Variants in COL4A5 observed in about 807,000 individuals in gnomAD.
COL4A5 encodes the protein collagen alpha-5(IV) chain.
COL4A5 carries 26 observed loss-of-function variants against 130.2 expected under a neutral mutation model. That is an observed-to-expected ratio of 0.20 (90% CI 0.15 to 0.28). The LOEUF (loss-of-function observed/expected upper bound fraction) is 0.28. COL4A5 is among the 10% of genes least tolerant of loss of function. The pLI, the probability that COL4A5 is intolerant of heterozygous loss-of-function variation, is 1.00. For synonymous variants in COL4A5, 496 were observed against 439.6 expected (o/e 1.13, Z -1.60); for missense variants, 1,131 against 1,344.3 (o/e 0.84, Z 2.48).
intron 1 of COL4A5, among the ~76,000 whole-genome samples, chrX:108,532,040 C>T (rs2065392361): frequency 9.0e-6 from 1 of 111,543 alleles, no homozygotes; most frequent in South Asian, 3.8e-4. Flanking sequence ...CCTCCTGAAA[C>T]TATTCCAGAA....
intron 28 of COL4A5, among the ~76,000 whole-genome samples, chrX:108,604,963 G>A (rs1424681842): frequency 1.8e-5 from 2 of 112,051 alleles, no homozygotes; most frequent in African/African-American, 6.5e-5. Context: ...ATTGAAGTTA[G>A]GGCCTTGCTC....
intron 24 of COL4A5, 22 bp from the exon 25 acceptor site, chrX:108,598,680 T>C: frequency 8.4e-7 from 1 of 1,194,909 alleles, no homozygotes; most frequent in Non-Finnish European, 1.1e-6. Flanking sequence ...TATGTTTCTG[T>C]ATTAAACTTT....
intron 52 of COL4A5, 99 bp downstream of exon 52, chrX:108,695,538 A>G: frequency 2.3e-6 from 2 of 888,865 alleles, no homozygotes; most frequent in East Asian, 6.3e-5. Context: ...AACAAATGTT[A>G]GGAATTTATT....
intron 33 of COL4A5, among the ~76,000 whole-genome samples, chrX:108,623,439 TA>T (rs369187460): frequency 4.9e-4 from 49 of 100,032 alleles, no homozygotes; most frequent in African/African-American, 1.3e-3. Flanking sequence ...GGGTTTTCAA[TA>T]AAAAAAAAAC....
Position 108,584,536 on chromosome X carries a change from T to C in COL4A5, c.1032+11T>C, listed in dbSNP as rs202140357. ...GGACCTCCTGGACTTGTAAGTTTTT[T>C]TTTTTTAGTCTTCGTTTATCAAATT... On this transcript the variant is annotated intron_variant, in intron 18 of 52. Coordinates refer to ENST00000328300, the MANE Select transcript of COL4A5 (RefSeq NM_033380.3). 1.7e-6 allele frequency: 2 copies of C among 1,199,274 alleles called. No homozygotes were observed. Among genetic ancestry groups the C allele is most frequent in the South Asian group, 3.6e-5 (2 of 54,977 alleles).
intron 36 of COL4A5, among the ~76,000 whole-genome samples, chrX:108,644,916 C>CA (rs1292417854): frequency 1.7e-4 from 9 of 51,437 alleles, no homozygotes; most frequent in Non-Finnish European, 1.9e-4. Flanking sequence ...ACAACAACAA[C>CA]AACAAAAAAA....
intron 1 of COL4A5, among the ~76,000 whole-genome samples, chrX:108,528,621 AG>A (rs1232553986): frequency 8.9e-6 from 1 of 112,557 alleles, no homozygotes; most frequent in East Asian, 2.8e-4. Context: ...AACAATACAA[AG>A]AAATCAAAAC....
chrX:108,642,355 C>T (rs985210360), intron 36 of COL4A5, among the ~76,000 whole-genome samples: 36 of 111,039 alleles, frequency 3.2e-4, no homozygotes, highest in Middle Eastern at 4.6e-3. Flanking sequence ...TAGGGCCCCA[C>T]CTACCACTGG....
intron 1 of COL4A5, among the ~76,000 whole-genome samples, chrX:108,495,234 G>C (rs1275150353): frequency 2.7e-5 from 3 of 110,472 alleles, no homozygotes; most frequent in African/African-American, 9.9e-5. Flanking sequence ...TGGATCATGG[G>C]TTTAAATATA....
intron 1 of COL4A5, among the ~76,000 whole-genome samples, chrX:108,515,572 G>GT (rs200118582): frequency 0.033 from 3,498 of 106,641 alleles, 56 homozygotes; most frequent in Non-Finnish European, 0.048. Context: ...TTAAAGGACA[G>GT]TTTTTTTTTT....
At chrX:108,652,383 A>G (rs1342722386) in intron 36 of COL4A5, among the ~76,000 whole-genome samples, 9 of 112,855 alleles carry the variant, frequency 8.0e-5, no homozygotes, top group Non-Finnish European at 1.7e-4. Context: ...AACATTAACA[A>G]TTATGTGGGA....
chrX:108,623,470 C>T (rs1314806979), intron 33 of COL4A5, among the ~76,000 whole-genome samples: 1 of 111,056 alleles, frequency 9.0e-6, no homozygotes, highest in African/African-American at 3.3e-5. Flanking sequence ...AGAAGTATAA[C>T]ATGTTCATAA....
Position 108,696,539 on chromosome X carries a change from G to A in COL4A5, c.*161G>A, listed in dbSNP as rs1292485778. The A allele has an allele frequency of 7.5e-6, 3 of 398,185 alleles. No homozygotes were observed. The highest frequency in any genetic ancestry group is 1.3e-5 in the Non-Finnish European group (3 of 228,591). 32.8% of individuals were successfully genotyped at this position (398,185 alleles called of 1,213,427 possible). A position where few individuals can be genotyped will look rare whatever the true frequency, so the allele number is the denominator to read the frequency against. On this transcript the variant is annotated 3_prime_UTR_variant, in exon 53 of 53. Transcript: ENST00000328300. The stretch of plus-strand genomic sequence containing the variant: ...GCTGACTAGTAACCATGAAGATTCA[G>A]ATGTACCTCAGCAATGCGCCAGAGC...
intron 49 of COL4A5, among the ~76,000 whole-genome samples, chrX:108,688,362 C>T (rs2068586298): frequency 9.0e-6 from 1 of 111,047 alleles, no homozygotes; most frequent in African/African-American, 3.3e-5. Flanking sequence ...GAATTCTTTT[C>T]CTGGAATTCT....
rs773115274 is a variant in COL4A5 at position 108,440,158 on chromosome X, C to T, written c.33C>T (p.Gly11=). 151 of 1,205,591 alleles carry T rather than the reference C, an allele frequency of 1.3e-4. No individual in the cohort carries two copies. Among genetic ancestry groups the T allele is most frequent in the Non-Finnish European group, 1.6e-4 (144 of 893,711 alleles). The change falls in exon 1 of 53, where the codon GGC becomes GGT. Residue 11 remains glycine (G), a synonymous_variant. Transcript: ENST00000328300. ...TGCGTGGAGTCAGCCTGGCTGCCGG[C>T]TTGTTCTTACTGGCCCTGAGTCTTT... MKLRGVSLAA[G]LFLLALSLWG... is the part of the protein sequence containing the mutation.
At chrX:108,544,091 A>T (rs759656394) in intron 2 of COL4A5, among the ~76,000 whole-genome samples, 21 of 111,333 alleles carry the variant, frequency 1.9e-4, no homozygotes, top group African/African-American at 6.2e-4. Context: ...CTAATTGAAT[A>T]CTCTTTATTT....
At chrX:108,532,498 C>T (rs187692734) in intron 1 of COL4A5, among the ~76,000 whole-genome samples, 3 of 111,590 alleles carry the variant, frequency 2.7e-5, no homozygotes, top group Non-Finnish European at 3.8e-5. Flanking sequence ...AGCTGAAATC[C>T]TTTCCTCTAA....
At chrX:108,447,571 A>C (rs972954188) in intron 1 of COL4A5, among the ~76,000 whole-genome samples, 1 of 111,696 alleles carries the variant, frequency 9.0e-6, no homozygotes, top group African/African-American at 3.3e-5. Context: ...AGTGATAGGG[A>C]TCTGCTCTTG....
At chrX:108,648,517 G>A (rs2067656741) in intron 36 of COL4A5, among the ~76,000 whole-genome samples, 1 of 111,038 alleles carries the variant, frequency 9.0e-6, no homozygotes, top group Admixed American at 9.6e-5. Flanking sequence ...GAATCCAACA[G>A]CGTATCAAAA....
Sources: allele counts gnomAD v4.1 joint callset (sites outside exome capture counted in the v4.1 genomes callset), GRCh38; gene constraint gnomAD v4.1.1; transcripts MANE v1.5; gene names NCBI Gene and HGNC (gene_info 2026-07-23, HGNC 2026-07-21).